Variants in FBXO15 observed in about 807,000 individuals in gnomAD.
FBXO15 encodes F-box protein 15.
In FBXO15, 30 loss-of-function variants were observed where a neutral mutation model predicts 49.5. The ratio of observed to expected loss-of-function variants is 0.61; its 90% CI spans 0.45 to 0.82. The LOEUF is 0.82. Ranked by LOEUF, FBXO15 falls within the 40% of genes least tolerant of loss-of-function variation. The pLI is 0.00. For missense variants in FBXO15, 591 were observed against 631.5 expected (o/e 0.94, Z 0.69); for synonymous variants, 250 against 232.7 (o/e 1.07, Z -0.68).
chr18:74,112,743 C>T (rs1914083650), intron 8 of FBXO15, among the ~76,000 whole-genome samples: 1 of 152,188 alleles, frequency 6.6e-6, no homozygotes, highest in Non-Finnish European at 1.5e-5. Context: ...ATGACATGAC[C>T]ATCTTGGTAG....
rs1010675763 is a variant in FBXO15 at position 74,074,161 on chromosome 18, G to A, written c.1264-431C>T. Among the ~76,000 whole-genome samples, 5 of 152,054 alleles carry A rather than the reference G, an allele frequency of 3.3e-5. No homozygotes were observed. Among genetic ancestry groups the A allele is most frequent in the African/African-American group, 4.8e-5 (2 of 41,388 alleles). On this transcript the variant is annotated intron_variant, in intron 9 of 9. Coordinates refer to ENST00000419743, the MANE Select transcript of FBXO15 (RefSeq NM_001142958.2). This position sits in a 1 kb window ranked among gnomAD's most constrained non-coding sequence, Gnocchi z 4.7. Reference sequence around the variant, plus strand: ...GGGTCTTCACTGCCACCACCAGGCCGACCCCTCCCCTCTTCTGAGAAACCT... The same window carrying A: ...GGGTCTTCACTGCCACCACCAGGCCAACCCCTCCCCTCTTCTGAGAAACCT...
chr18:74,133,993 G>A (rs974695122), intron 3 of FBXO15, among the ~76,000 whole-genome samples: 16 of 152,108 alleles, frequency 1.1e-4, no homozygotes, highest in Non-Finnish European at 1.8e-4. Context: ...TCTCAACTAC[G>A]TAAACTACAA....
At chr18:74,122,359 A>G (rs551418001) in intron 8 of FBXO15, among the ~76,000 whole-genome samples, 1 of 152,354 alleles carries the variant, frequency 6.6e-6, no homozygotes, top group East Asian at 1.9e-4. Context: ...CTGTAACATC[A>G]ATTTCTTCAT....
At chr18:74,135,575 T>C (rs1978665039) in intron 3 of FBXO15, among the ~76,000 whole-genome samples, 187 bp downstream of exon 3, 1 of 152,216 alleles carries the variant, frequency 6.6e-6, no homozygotes, top group Admixed American at 6.5e-5. Flanking sequence ...ATGCAAAGTA[T>C]ATTCCTTTAA....
At chr18:74,086,704 C>A (rs1389533465) in intron 8 of FBXO15, among the ~76,000 whole-genome samples, 1 of 152,184 alleles carries the variant, frequency 6.6e-6, no homozygotes, top group African/African-American at 2.4e-5. Flanking sequence ...GCCACCATGC[C>A]CAGCCAGCAC....
intron 8 of FBXO15, among the ~76,000 whole-genome samples, chr18:74,111,952 AT>A (rs544972992): frequency 5.5e-4 from 84 of 152,316 alleles, no homozygotes; most frequent in African/African-American, 2.0e-3. Flanking sequence ...AAATGGACCA[AT>A]TCCTTGAAAG....
intron 8 of FBXO15, chr18:74,097,279 G>A (rs1281540155): frequency 6.6e-6 from 1 of 152,200 alleles, no homozygotes; most frequent in Non-Finnish European, 1.5e-5. Flanking sequence ...GACTCCACAG[G>A]TTGGGAGGCA....
At chr18:74,146,395 T>C (rs371539353) in intron 1 of FBXO15, among the ~76,000 whole-genome samples, 1 of 152,208 alleles carries the variant, frequency 6.6e-6, no homozygotes, top group South Asian at 2.1e-4. Flanking sequence ...CAGGTTCCCA[T>C]GCCAGGCATA....
At chr18:74,137,664 A>G (rs1418797739) in intron 2 of FBXO15, among the ~76,000 whole-genome samples, 1 of 152,188 alleles carries the variant, frequency 6.6e-6, no homozygotes, top group African/African-American at 2.4e-5. Flanking sequence ...CAATGTTTAC[A>G]CCCATATTGG....
chr18:74,092,970 T>A (rs570973584), intron 8 of FBXO15, among the ~76,000 whole-genome samples: 3 of 152,122 alleles, frequency 2.0e-5, no homozygotes, highest in Admixed American at 6.5e-5. Context: ...CTAGGGTCCA[T>A]ACACACATTC....
At chr18:74,122,515 A>G (rs555705968) in intron 8 of FBXO15, 1 of 152,368 alleles carries the variant, frequency 6.6e-6, no homozygotes, top group Admixed American at 6.5e-5. Context: ...ACATTTTTAA[A>G]CAAAATATTT....
chr18:74,146,722 G>GT (rs1176105075), intron 1 of FBXO15, among the ~76,000 whole-genome samples: 1 of 152,180 alleles, frequency 6.6e-6, no homozygotes, highest in East Asian at 1.9e-4. Context: ...CTGAAAACAG[G>GT]TAAGTGGAAG....
rs1458275293 is a variant in FBXO15, at chr18:74,075,534, G to A, written c.1264-1804C>T. ...CCCCGCAGGCCCCTGCTCTTTCCTCGCTTCCCAGACAACCCTCTCCAAAGA... is the reference window on the plus strand; with the variant it reads ...CCCCGCAGGCCCCTGCTCTTTCCTCACTTCCCAGACAACCCTCTCCAAAGA... On this transcript the variant is annotated intron_variant, in intron 9 of 9. Transcript: ENST00000419743. This position sits in a 1 kb window ranked among gnomAD's most constrained non-coding sequence, Gnocchi z 4.1. Among the ~76,000 whole-genome samples, 2 of 152,130 alleles carry A rather than the reference G, an allele frequency of 1.3e-5. No homozygotes were observed. The highest frequency in any genetic ancestry group is 2.4e-5 in the African/African-American group (1 of 41,416).
chr18:74,104,509 TC>T (rs1287617039), intron 8 of FBXO15, among the ~76,000 whole-genome samples: 1 of 151,994 alleles, frequency 6.6e-6, no homozygotes, highest in Non-Finnish European at 1.5e-5. Flanking sequence ...AGAAATAGAA[TC>T]TAACTATATG....
intron 8 of FBXO15, among the ~76,000 whole-genome samples, chr18:74,122,325 A>T (rs932541552): frequency 2.0e-5 from 3 of 152,244 alleles, no homozygotes; most frequent in African/African-American, 7.2e-5. Flanking sequence ...GTTCCAGCAC[A>T]TTAGGCAGCA....
At chr18:74,136,514 G>C (rs1259095540) in intron 2 of FBXO15, among the ~76,000 whole-genome samples, 2 of 152,152 alleles carry the variant, frequency 1.3e-5, no homozygotes, top group African/African-American at 4.8e-5. Context: ...ATGGGAAATA[G>C]CAGCTTATTC....
intron 1 of FBXO15, among the ~76,000 whole-genome samples, chr18:74,145,091 A>G (rs1979319672): frequency 6.6e-6 from 1 of 152,198 alleles, no homozygotes; most frequent in South Asian, 2.1e-4. Context: ...TTTTTTAAGT[A>G]CCAAATGCTT....
In FBXO15 at chr18:74,126,116, C is replaced by A; in HGVS notation, c.786-15G>T. 6.2e-7 allele frequency: 1 copy of A among 1,612,464 alleles called. No homozygotes were observed. Among genetic ancestry groups the A allele is most frequent in the Non-Finnish European group, 8.5e-7 (1 of 1,179,106 alleles). ...GCCATCGGAGTCTTTGAACGTTATG[C>A]CAAGGAAAGGAGAGAGAGAAGTGAG... On this transcript the variant is annotated splice_polypyrimidine_tract_variant and intron_variant, in intron 5 of 9. Transcript: ENST00000419743.
chr18:74,124,798 G>A (rs769079945), intron 6 of FBXO15, among the ~76,000 whole-genome samples: 2 of 152,110 alleles, frequency 1.3e-5, no homozygotes, highest in African/African-American at 2.4e-5. Context: ...AATATGCAGA[G>A]CACACAGGAC....
Sources: allele counts gnomAD v4.1 joint callset (sites outside exome capture counted in the v4.1 genomes callset), GRCh38; gene constraint gnomAD v4.1.1; non-coding constraint Gnocchi (gnomAD v3.1); transcripts MANE v1.5; gene names NCBI Gene and HGNC (gene_info 2026-07-23, HGNC 2026-07-21).